Variants in BRINP3 observed in about 807,000 individuals in gnomAD.
The protein encoded by BRINP3 is BMP/retinoic acid-inducible neural-specific protein 3.
In BRINP3, 19 loss-of-function variants were observed where a neutral mutation model predicts 71.0. The observed-to-expected ratio is 0.27, with a 90% CI of 0.19 to 0.39. The LOEUF is 0.39. Among genes scored for constraint, BRINP3 ranks in the 10% least tolerant of loss-of-function variants. BRINP3 has a pLI of 1.00. For synonymous variants in BRINP3, 380 were observed against 337.7 expected (o/e 1.13, Z -1.37); for missense variants, 959 against 940.8 (o/e 1.02, Z -0.25).
intron 7 of BRINP3, among the ~76,000 whole-genome samples, chr1:190,157,289 T>G (rs778819705): frequency 6.6e-6 from 1 of 151,914 alleles, no homozygotes; most frequent in Non-Finnish European, 1.5e-5. Context: ...TGGAAAAGGT[T>G]GTGTGAAAAT....
At chr1:190,296,050 T>C (rs1664223101) in intron 2 of BRINP3, among the ~76,000 whole-genome samples, 1 of 148,726 alleles carries the variant, frequency 6.7e-6, no homozygotes, top group African/African-American at 2.4e-5. Context: ...TGTTTGTTTG[T>C]TTGTTTGCTT....
chr1:190,121,782 C>T (rs570304506), intron 7 of BRINP3, among the ~76,000 whole-genome samples: 1 of 152,172 alleles, frequency 6.6e-6, no homozygotes, highest in African/African-American at 2.4e-5. Context: ...TGAATTCTAA[C>T]TGCCTATTAC....
At chr1:190,447,325 T>G (rs1198868889) in intron 2 of BRINP3, among the ~76,000 whole-genome samples, 2 of 147,314 alleles carry the variant, frequency 1.4e-5, no homozygotes, top group East Asian at 3.9e-4. Context: ...AGTATAATTT[T>G]TTTAACCAAC....
intron 2 of BRINP3, among the ~76,000 whole-genome samples, chr1:190,333,634 C>CT (rs1360234359): frequency 7.2e-5 from 11 of 151,864 alleles, no homozygotes; most frequent in Non-Finnish European, 1.3e-4. Context: ...TTTTATCACT[C>CT]TATGAATAGC....
At chr1:190,309,586 T>A (rs1313838569) in intron 2 of BRINP3, among the ~76,000 whole-genome samples, 1 of 151,846 alleles carries the variant, frequency 6.6e-6, no homozygotes, top group Non-Finnish European at 1.5e-5. Context: ...ATTAACCTCA[T>A]GATCGAAGAT....
At chr1:190,401,512 T>A (rs1263653591) in intron 2 of BRINP3, among the ~76,000 whole-genome samples, 3 of 152,020 alleles carry the variant, frequency 2.0e-5, no homozygotes, top group Non-Finnish European at 4.4e-5. Context: ...TAAAGTGTGA[T>A]ACATGAGCTA....
Position 190,376,066 on chromosome 1 carries a change from A to G in BRINP3, c.236+78589T>C, listed in dbSNP as rs148005844. 2.6e-3 allele frequency among the ~76,000 whole-genome samples: 400 copies of G among 152,138 alleles called. 2 individuals are homozygous for G. The highest frequency in any genetic ancestry group is 4.4e-3 in the South Asian group (21 of 4,824). On this transcript the variant is annotated intron_variant, in intron 2 of 7. Transcript: ENST00000367462. ...TGACTGTGGACATCTTTAAATTTTA[A>G]GGCACTCACAGTTGCCAAGACCACA...
At chr1:190,240,872 C>CAAAAA (rs71123078) in intron 4 of BRINP3, among the ~76,000 whole-genome samples, 3 of 38,268 alleles carry the variant, frequency 7.8e-5, no homozygotes, top group African/African-American at 3.4e-4. Context: ...AACTCTGTCT[C>CAAAAA]AAAAAAAAAA....
At chr1:190,099,793 T>C (rs1366862316) in intron 7 of BRINP3, among the ~76,000 whole-genome samples, 1 of 152,202 alleles carries the variant, frequency 6.6e-6, no homozygotes, top group African/African-American at 2.4e-5. Flanking sequence ...AAATATCTCA[T>C]TAAAATCAAC....
At chr1:190,113,464 A>G (rs2185836) in intron 7 of BRINP3, among the ~76,000 whole-genome samples, 61,402 of 151,990 alleles carry the variant, frequency 0.4, 13,351 homozygotes, top group Non-Finnish European at 0.49. Context: ...TTTAAAATAC[A>G]TGGACAAAGA....
At chr1:190,287,688 A>G (rs1461130594) in intron 2 of BRINP3, among the ~76,000 whole-genome samples, 3 of 152,194 alleles carry the variant, frequency 2.0e-5, no homozygotes, top group African/African-American at 4.8e-5. Flanking sequence ...GACTGCAACA[A>G]AAACAATTGC....
At chr1:190,452,495 C>T (rs1397991691) in intron 2 of BRINP3, among the ~76,000 whole-genome samples, 1 of 152,158 alleles carries the variant, frequency 6.6e-6, no homozygotes, top group Non-Finnish European at 1.5e-5. Flanking sequence ...CCTCAGAGCA[C>T]TTTTGTTCAT....
intron 2 of BRINP3, among the ~76,000 whole-genome samples, chr1:190,377,265 C>CCT (rs2102225948): frequency 6.6e-6 from 1 of 152,108 alleles, no homozygotes; most frequent in East Asian, 1.9e-4. Context: ...GCAACAAACA[C>CCT]TGTAAGTGTT....
At chr1:190,138,570 T>C (rs1394974115) in intron 7 of BRINP3, among the ~76,000 whole-genome samples, 1 of 152,106 alleles carries the variant, frequency 6.6e-6, no homozygotes, top group Non-Finnish European at 1.5e-5. Context: ...GCCCTCTGTG[T>C]TGAGCCTTGG....
intron 6 of BRINP3, among the ~76,000 whole-genome samples, chr1:190,219,061 T>G (rs1656650985): frequency 6.6e-6 from 1 of 152,092 alleles, no homozygotes; most frequent in African/African-American, 2.4e-5. Flanking sequence ...AATAGGGGAT[T>G]CAGGCACAAC....
At chr1:190,422,108 A>G (rs553520481) in intron 2 of BRINP3, among the ~76,000 whole-genome samples, 1 of 151,866 alleles carries the variant, frequency 6.6e-6, no homozygotes, top group South Asian at 2.1e-4. Flanking sequence ...TAATTCTTTA[A>G]CATTTTTTTT....
At chr1:190,437,335 A>G (rs1277811520) in intron 2 of BRINP3, among the ~76,000 whole-genome samples, 1 of 151,778 alleles carries the variant, frequency 6.6e-6, no homozygotes, top group East Asian at 1.9e-4. Context: ...CCTACTGTCT[A>G]CATTAACATC....
intron 3 of BRINP3, among the ~76,000 whole-genome samples, chr1:190,271,009 G>C (rs143322797): frequency 0.01 from 1,588 of 151,566 alleles, 24 homozygotes; most frequent in African/African-American, 0.036. Context: ...TTAACCAATT[G>C]GACATTAGTT....
At chr1:190,318,078 T>G (rs563782270) in intron 2 of BRINP3, among the ~76,000 whole-genome samples, 1 of 152,072 alleles carries the variant, frequency 6.6e-6, no homozygotes, top group Non-Finnish European at 1.5e-5. Flanking sequence ...TCCTCTTTCT[T>G]TATATTGGTA....
Sources: gnomAD v4.1 joint callset for allele counts (sites outside exome capture counted in the v4.1 genomes callset) on GRCh38, gnomAD v4.1.1 for gene constraint, MANE v1.5 for transcripts, NCBI Gene and HGNC (gene_info 2026-07-23, HGNC 2026-07-21) for gene names.